PTPRT: variants seen among roughly 807,000 people sequenced by gnomAD.
The protein encoded by PTPRT is receptor-type tyrosine-protein phosphatase T.
In PTPRT, 56 loss-of-function variants were observed where a neutral mutation model predicts 176.8. The ratio of observed to expected loss-of-function variants is 0.32; its 90% confidence interval spans 0.26 to 0.40. PTPRT has a LOEUF of 0.40. Among genes scored for constraint, PTPRT ranks in the 10% least tolerant of loss-of-function variants. The pLI is 1.00. For missense variants in PTPRT, 1,540 were observed against 1,908.2 expected, an observed-to-expected ratio of 0.81 and a Z score of 3.60; for synonymous variants, 783 against 739.0, an observed-to-expected ratio of 1.06 and a Z score of -0.96.
At chr20:42,573,326 C>T (rs545176386) in intron 7 of PTPRT, among the ~76,000 whole-genome samples, 1 of 152,238 alleles carries the variant, frequency 6.6e-6, no homozygotes, top group South Asian at 2.1e-4. Flanking sequence ...TGAGTCCACC[C>T]CCCACCCACC....
chr20:42,104,470 T>C, intron 25 of PTPRT, 99 bp downstream of exon 25: 2 of 1,311,960 alleles, frequency 1.5e-6, no homozygotes, highest in Non-Finnish European at 2.1e-6. Context: ...AGAAATGTAA[T>C]GAATAAGTGT....
intron 7 of PTPRT, among the ~76,000 whole-genome samples, chr20:42,616,083 A>C (rs1383561436): frequency 1.1e-4 from 14 of 130,388 alleles, no homozygotes; most frequent in African/African-American, 4.0e-4. Context: ...CTAACGTTTA[A>C]ATCTTTAATC....
At chr20:42,082,063 A>G (rs773394587) in intron 29 of PTPRT, 46 bp from the exon 30 acceptor site, 2 of 1,612,534 alleles carry the variant, frequency 1.2e-6, no homozygotes, top group South Asian at 2.2e-5. Context: ...GGTCCCTTCC[A>G]GGCACCTGAT....
At chr20:42,035,549 A>G in the PTPRT span, among the ~76,000 whole-genome samples, 1 of 152,096 alleles carries the variant, frequency 6.6e-6, no homozygotes, top group South Asian at 2.1e-4. Flanking sequence ...GCTATTGGCT[A>G]TCCACCACTC....
chr20:43,148,042 C>T (rs2014225534), intron 1 of PTPRT, among the ~76,000 whole-genome samples: 1 of 152,168 alleles, frequency 6.6e-6, no homozygotes, highest in Non-Finnish European at 1.5e-5. Context: ...TCTGTGGAAG[C>T]TGCAATAGGT....
chr20:42,834,391 A>T (rs1176815865), intron 2 of PTPRT, among the ~76,000 whole-genome samples: 2 of 152,182 alleles, frequency 1.3e-5, no homozygotes, highest in Non-Finnish European at 2.9e-5. Context: ...GACGTGGAAC[A>T]AATTGAATCC....
intron 1 of PTPRT, among the ~76,000 whole-genome samples, chr20:43,132,171 A>C (rs889295646): frequency 6.6e-6 from 1 of 152,196 alleles, no homozygotes; most frequent in Non-Finnish European, 1.5e-5. Context: ...ATTCAATGCA[A>C]TTAGATAAGA....
Position 42,102,188 on chromosome 20 carries a change from C to A in PTPRT, c.3650G>T (p.Cys1217Phe). 1 of 1,614,204 alleles carries A rather than the reference C, an allele frequency of 6.2e-7. No homozygotes were observed. Among genetic ancestry groups the A allele is most frequent in the Non-Finnish European group, 8.5e-7 (1 of 1,180,028 alleles). The change falls in exon 26 of 31, where the codon TGC becomes TTC. Residue 1217 changes from cysteine (C) to phenylalanine (F), a missense_variant. This residue lies in a region of PTPRT where 342 missense variants were observed against 394.0 expected (regional missense o/e 0.87). Transcript: ENST00000373187. ...RSMDVLPLDRCLPFLISVDGE... is the reference protein window; with the variant it reads ...RSMDVLPLDRFLPFLISVDGE... Reference sequence around the variant, plus strand: ...GTCCACTGAGATAAGGAAGGGCAGGCAGCGGTCCAGAGGCAGCACGTCCAT... The same window carrying A: ...GTCCACTGAGATAAGGAAGGGCAGGAAGCGGTCCAGAGGCAGCACGTCCAT...
At chr20:43,089,348 T>C (rs1281022632) in intron 1 of PTPRT, among the ~76,000 whole-genome samples, 1 of 152,066 alleles carries the variant, frequency 6.6e-6, no homozygotes, top group Non-Finnish European at 1.5e-5. Context: ...CGCCTCATGG[T>C]TTGAGAAGAG....
At chr20:42,969,159 G>A (rs1172358311) in intron 1 of PTPRT, 1 of 152,172 alleles carries the variant, frequency 6.6e-6, no homozygotes, top group Non-Finnish European at 1.5e-5. Context: ...TTTGGTGATT[G>A]TTCTCAATTT....
chr20:43,133,533 C>T (rs1184465991), intron 1 of PTPRT, among the ~76,000 whole-genome samples: 1 of 152,054 alleles, frequency 6.6e-6, no homozygotes, highest in African/African-American at 2.4e-5. Context: ...ATCACGAGGT[C>T]AGGAGATTGA....
rs571033380 is a variant in PTPRT at position 42,570,764 on chromosome 20, ATT to A, written c.1154-98204_1154-98203del. On this transcript the variant is annotated intron_variant, in intron 7 of 30. Transcript: ENST00000373187. ...CCTCTTCCTCCTGACTCTATTTTTC[ATT>A]TATAAAGACCCTTGTGATACATTGG... 5.9e-5 allele frequency among the ~76,000 whole-genome samples: 9 copies of A among 152,260 alleles called. No homozygotes were observed. The East Asian group carries it at 1.5e-3, about 26-fold the overall frequency.
At chr20:42,366,662 A>C (rs1290636095) in intron 9 of PTPRT, among the ~76,000 whole-genome samples, 2 of 152,180 alleles carry the variant, frequency 1.3e-5, no homozygotes, top group Non-Finnish European at 2.9e-5. Context: ...CCTCTTACTC[A>C]CCTGTGATTC....
At chr20:42,825,642 A>G (rs1368970838) in intron 2 of PTPRT, among the ~76,000 whole-genome samples, 2 of 152,204 alleles carry the variant, frequency 1.3e-5, no homozygotes, top group Non-Finnish European at 2.9e-5. Context: ...AAGTAAACAC[A>G]TGCATTAACC....
At chr20:42,287,322 G>A (rs2057247329) in intron 12 of PTPRT, among the ~76,000 whole-genome samples, 1 of 151,842 alleles carries the variant, frequency 6.6e-6, no homozygotes, top group Non-Finnish European at 1.5e-5. Context: ...GCCATGACAG[G>A]CAATCAAACT....
At chr20:42,968,233 G>A (rs576778152) in intron 1 of PTPRT, among the ~76,000 whole-genome samples, 23 of 152,158 alleles carry the variant, frequency 1.5e-4, no homozygotes, top group African/African-American at 5.3e-4. Flanking sequence ...TCCCATTGTC[G>A]ATAGCCCACT....
chr20:43,007,388 T>C (rs1327231060), intron 1 of PTPRT, among the ~76,000 whole-genome samples: 1 of 152,250 alleles, frequency 6.6e-6, no homozygotes, highest in Admixed American at 6.5e-5. Flanking sequence ...CATCAGATCT[T>C]ATTATTCTGC....
chr20:42,103,498 C>G (rs977484526), intron 25 of PTPRT, among the ~76,000 whole-genome samples: 1 of 152,172 alleles, frequency 6.6e-6, no homozygotes, highest in Non-Finnish European at 1.5e-5. Context: ...TGGAGTCTCA[C>G]TCTGTTGCCC....
intron 7 of PTPRT, among the ~76,000 whole-genome samples, chr20:42,585,158 T>C (rs1286901552): frequency 6.6e-6 from 1 of 152,236 alleles, no homozygotes; most frequent in Non-Finnish European, 1.5e-5. Flanking sequence ...CACGTGCTTA[T>C]TGGCCACTAC....
Sources: gnomAD v4.1 joint callset for allele counts (sites outside exome capture counted in the v4.1 genomes callset) on GRCh38, gnomAD v4.1.1 for gene constraint, gnomAD v4.1.1 regional missense constraint, MANE v1.5 for transcripts, NCBI Gene and HGNC (gene_info 2026-07-23, HGNC 2026-07-21) for gene names.